The following CSRNP3 variants were observed in gnomAD, a reference collection of about 807,000 sequenced individuals.
CSRNP3 encodes cysteine/serine-rich nuclear protein 3.
CSRNP3 carries 12 observed loss-of-function variants against 48.0 expected under a neutral mutation model. That is an observed-to-expected ratio of 0.25 (90% confidence interval 0.16 to 0.41). CSRNP3 has a LOEUF of 0.41. Among genes scored for constraint, CSRNP3 ranks in the 10% least tolerant of loss-of-function variants. The pLI is 1.00. For synonymous variants in CSRNP3, 263 were observed against 269.7 expected, an observed-to-expected ratio of 0.98 and a Z score of 0.24; for missense variants, 580 against 724.4, an observed-to-expected ratio of 0.80 and a Z score of 2.29.
At chr2:165,646,279 T>A (rs546555819) in intron 4 of CSRNP3, among the ~76,000 whole-genome samples, 2 of 152,316 alleles carry the variant, frequency 1.3e-5, no homozygotes, top group Admixed American at 1.3e-4. Flanking sequence ...CTCTCCAGAA[T>A]AATTTCTAAG....
chr2:165,678,656 G>C (rs1687469419), intron 6 of CSRNP3, 45 bp from the exon 7 acceptor site: 1 of 1,571,194 alleles, frequency 6.4e-7, no homozygotes, highest in Non-Finnish European at 8.6e-7. Context: ...CGTTTATTTG[G>C]TTTGTAATAG....
At chr2:165,530,113 G>T (rs900496180) in intron 3 of CSRNP3, among the ~76,000 whole-genome samples, 1 of 152,152 alleles carries the variant, frequency 6.6e-6, no homozygotes, top group Non-Finnish European at 1.5e-5. Flanking sequence ...ATTTATAAAA[G>T]GGAGTAGTTA....
chr2:165,543,482 C>A (rs1184387466), intron 3 of CSRNP3, among the ~76,000 whole-genome samples: 1 of 151,920 alleles, frequency 6.6e-6, no homozygotes, highest in Admixed American at 6.6e-5. Context: ...TTAGTTGAAG[C>A]TTTTAAAGTT....
At chr2:165,554,814 T>C (rs1187018337) in intron 3 of CSRNP3, among the ~76,000 whole-genome samples, 1 of 152,132 alleles carries the variant, frequency 6.6e-6, no homozygotes, top group Non-Finnish European at 1.5e-5. Flanking sequence ...CTCAGGACTC[T>C]CCACTGACTC....
chr2:165,511,316 G>C (rs999804397), intron 2 of CSRNP3, among the ~76,000 whole-genome samples: 1 of 152,056 alleles, frequency 6.6e-6, no homozygotes, highest in African/African-American at 2.4e-5. Context: ...AGTGAGATGG[G>C]GAGCTGATGA....
chr2:165,645,734 A>G (rs1206379037), intron 4 of CSRNP3, among the ~76,000 whole-genome samples: 1 of 151,836 alleles, frequency 6.6e-6, no homozygotes, highest in Non-Finnish European at 1.5e-5. Flanking sequence ...GCAGCCCTGT[A>G]TCTCCATTTT....
At chr2:165,515,198 G>A (rs1024076500) in intron 2 of CSRNP3, among the ~76,000 whole-genome samples, 2 of 151,862 alleles carry the variant, frequency 1.3e-5, no homozygotes, top group Non-Finnish European at 2.9e-5. Flanking sequence ...GCTGGTGCAC[G>A]CCTGTAGTCC....
intron 2 of CSRNP3, among the ~76,000 whole-genome samples, chr2:165,512,029 T>TA (rs1307008330): frequency 1.3e-5 from 2 of 152,184 alleles, no homozygotes; most frequent in African/African-American, 4.8e-5. Flanking sequence ...AGTTAAACTC[T>TA]AAATTCAGTA....
At chr2:165,485,376 T>C (rs1383494616) in intron 1 of CSRNP3, among the ~76,000 whole-genome samples, 1 of 152,218 alleles carries the variant, frequency 6.6e-6, no homozygotes, top group Non-Finnish European at 1.5e-5. Context: ...AATTTCCAAA[T>C]AGTCTCCTAT....
At chr2:165,625,188 C>G (rs1160734804) in intron 4 of CSRNP3, among the ~76,000 whole-genome samples, 1 of 152,206 alleles carries the variant, frequency 6.6e-6, no homozygotes, top group Non-Finnish European at 1.5e-5. Flanking sequence ...TAAGTATTTA[C>G]TGAGCACTTC....
intron 6 of CSRNP3, among the ~76,000 whole-genome samples, chr2:165,677,207 T>C (rs910621800): frequency 2.0e-5 from 3 of 152,358 alleles, no homozygotes; most frequent in African/African-American, 7.2e-5. Flanking sequence ...CCTTGCCACA[T>C]GATTTTGTAA....
intron 4 of CSRNP3, among the ~76,000 whole-genome samples, chr2:165,613,861 A>G (rs1686181097): frequency 6.6e-6 from 1 of 151,908 alleles, no homozygotes; most frequent in Non-Finnish European, 1.5e-5. Flanking sequence ...CTTTTTGCTG[A>G]GAATTGCTTT....
intron 3 of CSRNP3, among the ~76,000 whole-genome samples, chr2:165,520,778 ATATAT>A (rs200533207): frequency 0.01 from 96 of 9,576 alleles, no homozygotes; most frequent in African/African-American, 0.089. Flanking sequence ...TATTATATAT[ATATAT>A]TATATATATA....
intron 3 of CSRNP3, among the ~76,000 whole-genome samples, chr2:165,577,603 A>G (rs577588135): frequency 1.3e-5 from 2 of 151,942 alleles, no homozygotes; most frequent in African/African-American, 4.8e-5. Context: ...TCCAACCATG[A>G]TATTCACTTA....
chr2:165,498,088 TGTAA>T (rs943169467), intron 2 of CSRNP3, among the ~76,000 whole-genome samples: 3 of 152,076 alleles, frequency 2.0e-5, no homozygotes, highest in African/African-American at 2.4e-5. Context: ...TTCCCCTTTC[TGTAA>T]GTAAGTGACA....
At position 165,680,618 on chromosome 2, in the gene CSRNP3, C is replaced by T. The variant is rs376913235; in HGVS notation, c.*865C>T. On this transcript the variant is annotated 3_prime_UTR_variant, in exon 7 of 7. Coordinates refer to ENST00000651982, the MANE Select transcript of CSRNP3 (RefSeq NM_001172173.2). ...CACCTTTAAGCTCTACCCCCTACAT[C>T]AAAATGCACTTTAGTGCCCCTTCAC... 3 of 152,456 alleles carry T rather than the reference C, an allele frequency of 2.0e-5. No homozygotes were observed. The highest frequency in any genetic ancestry group is 1.3e-4 in the Admixed American group (2 of 15,262). 9.4% of individuals were successfully genotyped at this position (152,456 alleles called of 1,614,324 possible). A position where few individuals can be genotyped will look rare whatever the true frequency, so the allele number is the denominator to read the frequency against.
At position 165,676,462 on chromosome 2, in the gene CSRNP3, C is replaced by T. The variant is rs150240455; in HGVS notation, c.559C>T (p.Arg187Cys). The change falls in exon 6 of 7, where the codon CGT (arginine) becomes TGT (cysteine). Residue 187 changes from arginine to cysteine, a missense_variant. Physicochemically the swap from Arg to Cys is radical, Grantham distance 180 (BLOSUM62 -3). Around this residue, in one of 4 missense-constraint regions of CSRNP3, gnomAD observed 66 missense variants for 137.6 expected, o/e 0.48. Coordinates refer to ENST00000651982, the MANE Select transcript of CSRNP3 (RefSeq NM_001172173.2). ...LPTKKRRALL[R>C]ASGVKKIDVE... Reference sequence around the variant, plus strand: ...AACAAAAAAACGAAGAGCTCTGCTGCGTGCCTCTGGAGTGAAAAAGATTGA... The same window carrying T: ...AACAAAAAAACGAAGAGCTCTGCTGTGTGCCTCTGGAGTGAAAAAGATTGA... The T allele has an allele frequency of 2.5e-6, 4 of 1,614,164 alleles. No individual in the cohort carries two copies. The highest frequency in any genetic ancestry group is 2.5e-6 in the Non-Finnish European group (3 of 1,180,012).
intron 3 of CSRNP3, among the ~76,000 whole-genome samples, chr2:165,549,553 A>G (rs966092153): frequency 6.6e-6 from 1 of 152,052 alleles, no homozygotes; most frequent in African/African-American, 2.4e-5. Context: ...TCTCAATTAT[A>G]TATAACATTA....
At chr2:165,548,959 C>T (rs370382632) in intron 3 of CSRNP3, among the ~76,000 whole-genome samples, 1 of 150,716 alleles carries the variant, frequency 6.6e-6, no homozygotes, top group Non-Finnish European at 1.5e-5. Flanking sequence ...CTTCCCACTG[C>T]TTACCTTCCT....
Sources: allele counts gnomAD v4.1 joint callset (sites outside exome capture counted in the v4.1 genomes callset), GRCh38; gene constraint gnomAD v4.1.1; regional missense constraint gnomAD v4.1.1; transcripts MANE v1.5; gene names NCBI Gene and HGNC (gene_info 2026-07-23, HGNC 2026-07-21).